The following ZZZ3 variants were observed in gnomAD, a reference collection of about 807,000 sequenced individuals.
The protein encoded by ZZZ3 is zinc finger ZZ-type containing 3.
Under a neutral mutation model 95.2 loss-of-function variants are expected in ZZZ3, and 22 were observed. That is an observed-to-expected ratio of 0.23 (90% CI 0.17 to 0.33). The LOEUF is 0.33. Ranked by LOEUF, ZZZ3 falls within the 10% of genes least tolerant of loss-of-function variation. ZZZ3 has a pLI of 1.00. For synonymous variants in ZZZ3, 335 were observed against 358.9 expected (o/e 0.93, Z 0.75); for missense variants, 885 against 1,066.5 (o/e 0.83, Z 2.37).
At chr1:77,631,083 A>G (rs1266285652) in intron 5 of ZZZ3, among the ~76,000 whole-genome samples, 1 of 152,194 alleles carries the variant, frequency 6.6e-6, no homozygotes, top group Non-Finnish European at 1.5e-5. Context: ...TAAGCTCCAA[A>G]TCTTTTGTGT....
At chr1:77,610,529 A>C (rs1298344822) in intron 5 of ZZZ3, among the ~76,000 whole-genome samples, 1 of 152,022 alleles carries the variant, frequency 6.6e-6, no homozygotes, top group Non-Finnish European at 1.5e-5. Flanking sequence ...CTACAGGCCA[A>C]TATCTCTGAT....
At position 77,627,488 on chromosome 1, in the gene ZZZ3, G is replaced by C. The variant is rs946922922; in HGVS notation, c.1505+4362C>G. On this transcript the variant is annotated intron_variant, in intron 5 of 14. Coordinates refer to ENST00000370801, the MANE Select transcript of ZZZ3 (RefSeq NM_015534.6). ...CTCAATAAGTAAATCTCCAAGAACT[G>C]ATTAAGATTTTCTCTATGCAGCTTC... Among the ~76,000 whole-genome samples, 5 of 152,242 alleles carry C rather than the reference G, an allele frequency of 3.3e-5. No homozygotes were observed. The South Asian group carries it at 1.0e-3, about 32-fold the overall frequency.
chr1:77,645,539 A>T (rs1669183026), intron 1 of ZZZ3: 1 of 152,298 alleles, frequency 6.6e-6, no homozygotes, highest in South Asian at 2.1e-4. Context: ...GCAGGTCTAA[A>T]CTTCCATGCT....
At chr1:77,649,567 G>A (rs1333697677) in intron 1 of ZZZ3, among the ~76,000 whole-genome samples, 1 of 152,014 alleles carries the variant, frequency 6.6e-6, no homozygotes, top group Non-Finnish European at 1.5e-5. Flanking sequence ...ACCAGAAATG[G>A]TAAATATGAA....
rs116755519 is a variant in ZZZ3, at chr1:77,675,899, T to C, written c.-403+6686A>G. On this transcript the variant is annotated intron_variant, in intron 1 of 14. Coordinates refer to ENST00000370801, the MANE Select transcript of ZZZ3 (RefSeq NM_015534.6). The stretch of plus-strand genomic sequence containing the variant: ...CATAGATACCTTCCTAAAGCTTACC[T>C]GAATGTCTATGCTATTAAATTTCAG... 6.1e-3 allele frequency among the ~76,000 whole-genome samples: 934 copies of C among 152,322 alleles called. 4 individuals are homozygous for C. The highest frequency in any genetic ancestry group is 7.4e-3 in the Non-Finnish European group (505 of 68,014).
At chr1:77,658,057 TA>T (rs1478965416) in intron 1 of ZZZ3, among the ~76,000 whole-genome samples, 1 of 151,642 alleles carries the variant, frequency 6.6e-6, no homozygotes, top group Non-Finnish European at 1.5e-5. Flanking sequence ...CACACACCTG[TA>T]ATCCCAGCTA....
In ZZZ3 at chr1:77,564,317, A is replaced by AT. The variant is rs1048692792; in HGVS notation, c.*1322dup. Reference sequence around the variant, plus strand: ...CACACACTGAGTAAAAATCTTTACCATTTTTTACAGGGTTGCTTAAGATCA... The same window carrying AT: ...CACACACTGAGTAAAAATCTTTACCATTTTTTTACAGGGTTGCTTAAGATCA... On this transcript the variant is annotated 3_prime_UTR_variant, in exon 15 of 15. Transcript: ENST00000370801. 3.3e-5 allele frequency: 5 copies of AT among 152,140 alleles called. No individual in the cohort carries two copies. The highest frequency in any genetic ancestry group is 1.2e-4 in the African/African-American group (5 of 41,466). The allele number at this position is 152,140 out of a possible 1,614,324, so 9.4% of individuals were successfully genotyped here.
At chr1:77,574,527 C>T (rs569776151) in intron 12 of ZZZ3, among the ~76,000 whole-genome samples, 1 of 152,174 alleles carries the variant, frequency 6.6e-6, no homozygotes, top group South Asian at 2.1e-4. Flanking sequence ...AATGATGAAC[C>T]CAGCAGCAAG....
At position 77,565,584 on chromosome 1, in the gene ZZZ3, CAAT is replaced by C. The variant is rs1438049314; in HGVS notation, c.*53_*55del. Reference sequence around the variant, plus strand: ...CTTTCCAAACTGTGCACATAATTAACAATGATACCATTGCTATGTGTTGAAGAG... The same window carrying C: ...CTTTCCAAACTGTGCACATAATTAACGATACCATTGCTATGTGTTGAAGAG... On this transcript the variant is annotated 3_prime_UTR_variant, in exon 15 of 15. Coordinates refer to ENST00000370801, the MANE Select transcript of ZZZ3 (RefSeq NM_015534.6). The C allele has an allele frequency of 2.6e-6, 4 of 1,561,260 alleles. No homozygotes were observed. The highest frequency in any genetic ancestry group is 3.5e-6 in the Non-Finnish European group (4 of 1,144,950).
intron 5 of ZZZ3, among the ~76,000 whole-genome samples, chr1:77,600,393 A>G (rs1258137721): frequency 2.6e-5 from 4 of 152,234 alleles, no homozygotes; most frequent in Non-Finnish European, 5.9e-5. Context: ...CACTGGAGAT[A>G]TAACAGTGAA....
intron 5 of ZZZ3, among the ~76,000 whole-genome samples, chr1:77,585,718 A>G (rs2100580854): frequency 6.6e-6 from 1 of 152,340 alleles, no homozygotes. Context: ...TAGATGTTCA[A>G]TAAATATTTT....
rs559567997 is a variant in ZZZ3 at position 77,658,679 on chromosome 1, C to A, written c.-402-17024G>T. Among the ~76,000 whole-genome samples, 4 of 152,148 alleles carry A rather than the reference C, an allele frequency of 2.6e-5. No homozygotes were observed. The East Asian group carries it at 7.7e-4, about 29-fold the overall frequency. ...CCGCCCAGCCTAAAATTGTTAATGG[C>A]CATATAAAAACTGTATAAATAGTTT... On this transcript the variant is annotated intron_variant, in intron 1 of 14. Transcript: ENST00000370801.
chr1:77,585,369 A>C (rs1223919269), intron 5 of ZZZ3, among the ~76,000 whole-genome samples: 2 of 152,196 alleles, frequency 1.3e-5, no homozygotes, highest in Non-Finnish European at 2.9e-5. Context: ...TTATCCTGAA[A>C]TCTCACTACA....
At chr1:77,662,685 G>A (rs1329412770) in intron 1 of ZZZ3, among the ~76,000 whole-genome samples, 1 of 152,134 alleles carries the variant, frequency 6.6e-6, no homozygotes, top group Non-Finnish European at 1.5e-5. Context: ...CAGCTACTTG[G>A]GAGGCTAAAG....
intron 6 of ZZZ3, among the ~76,000 whole-genome samples, chr1:77,583,373 T>C (rs552647787): frequency 1.5e-3 from 223 of 152,286 alleles, no homozygotes; most frequent in Non-Finnish European, 2.6e-3. Flanking sequence ...TTATATCTTT[T>C]TGTACCAGTA....
At chr1:77,567,241 A>C (rs199954542) in intron 13 of ZZZ3, among the ~76,000 whole-genome samples, 55 of 152,270 alleles carry the variant, frequency 3.6e-4, no homozygotes, top group East Asian at 7.7e-4. Context: ...CAAACTTGCC[A>C]ATCTTTATTT....
At chr1:77,595,117 A>G (rs956454886) in intron 5 of ZZZ3, among the ~76,000 whole-genome samples, 16 of 152,140 alleles carry the variant, frequency 1.1e-4, no homozygotes, top group Middle Eastern at 3.4e-3. Flanking sequence ...AGGCACATAT[A>G]ACCAACATGC....
At chr1:77,571,872 T>C (rs1402600585) in intron 12 of ZZZ3, among the ~76,000 whole-genome samples, 1 of 152,204 alleles carries the variant, frequency 6.6e-6, no homozygotes, top group Non-Finnish European at 1.5e-5. Flanking sequence ...TGACTGTACA[T>C]AGCATTGCTG....
In ZZZ3 at chr1:77,632,335, G is replaced by C. The variant is rs1286784529; in HGVS notation, c.1020C>G (p.Asp340Glu). The C allele has an allele frequency of 6.2e-7, 1 of 1,614,166 alleles. No homozygotes were observed. Among genetic ancestry groups the C allele is most frequent in the Non-Finnish European group, 8.5e-7 (1 of 1,180,016 alleles). The change falls in exon 5 of 15, where the codon GAC (aspartate) becomes GAG (glutamate). Residue 340 changes from aspartate (D) to glutamate (E), a missense_variant. By Grantham distance (45) the Asp-to-Glu change is conservative. Around this residue, in one of 5 missense-constraint regions of ZZZ3, gnomAD observed 556 missense variants for 652.9 expected, o/e 0.85. Coordinates refer to ENST00000370801, the MANE Select transcript of ZZZ3 (RefSeq NM_015534.6). ...AGGCTGGCATACTCTCAAGACTTGT[G>C]TCCAGTTCGTTATTGGTGTTTTCTT... The part of the protein sequence containing the change: ...QCKENTNNEL[D>E]TSLESMPASG...
Sources: allele counts gnomAD v4.1 joint callset (sites outside exome capture counted in the v4.1 genomes callset), GRCh38; gene constraint gnomAD v4.1.1; regional missense constraint gnomAD v4.1.1; transcripts MANE v1.5; gene names NCBI Gene and HGNC (gene_info 2026-07-23, HGNC 2026-07-21).